The following NID2 variants were observed in gnomAD, a reference collection of about 807,000 sequenced individuals.
NID2 encodes nidogen 2.
A neutral mutation model predicts 145.4 loss-of-function variants in NID2; 83 were observed. The ratio of observed to expected loss-of-function variants is 0.57; its 90% CI spans 0.48 to 0.69. The LOEUF (loss-of-function observed/expected upper bound fraction) is 0.69. NID2 is among the 30% of genes least tolerant of loss of function. The pLI is 0.00. For synonymous variants in NID2, 739 were observed against 701.3 expected, an observed-to-expected ratio of 1.05 and a Z score of -0.85; for missense variants, 1,807 against 1,765.7, an observed-to-expected ratio of 1.02 and a Z score of -0.42.
In NID2 at chr14:52,030,517, AAAG is replaced by A. The variant is rs1891778397; in HGVS notation, c.2258-830_2258-828del. 8.3e-4 allele frequency among the ~76,000 whole-genome samples: 11 copies of A among 13,244 alleles called. No homozygotes were observed. In the East Asian group the frequency reaches 0.028, roughly 34 times the overall value. The allele number at this position is 13,244 out of a possible 152,430, so 8.7% of individuals were successfully genotyped here. On this transcript the variant is annotated intron_variant, in intron 9 of 21. Coordinates refer to ENST00000216286, the MANE Select transcript of NID2 (RefSeq NM_007361.4). ...AGAAAGAAAGAGAAAGAAAGAAAGAAAAGAAAGAAAGAAAGAAAGAAAGAAAGA... is the reference window on the plus strand; with the variant it reads ...AGAAAGAAAGAGAAAGAAAGAAAGAAAAAGAAAGAAAGAAAGAAAGAAAGA...
At chr14:52,068,247 C>T in intron 1 of NID2, 84 bp from the exon 2 acceptor site, 1 of 1,358,446 alleles carries the variant, frequency 7.4e-7, no homozygotes, top group Non-Finnish European at 1.0e-6. Context: ...AGGGAACTGA[C>T]TTAGGCAAAA....
In NID2 at chr14:52,005,349, C is replaced by G; in HGVS notation, c.*137G>C. On this transcript the variant is annotated 3_prime_UTR_variant, in exon 22 of 22. Transcript: ENST00000216286. ...AGCTTTTCACAAAAGTCTTTTTGCA[C>G]TACAAAATGTTCATCTTGGATGCTC... 1 of 747,548 alleles carries G rather than the reference C, an allele frequency of 1.3e-6. No homozygotes were observed. The highest frequency in any genetic ancestry group is 2.0e-6 in the Non-Finnish European group (1 of 503,632). 46.3% of individuals were successfully genotyped at this position (747,548 alleles called of 1,614,324 possible). A position where few individuals can be genotyped will look rare whatever the true frequency, so the allele number is the denominator to read the frequency against.
rs1247141288 is a variant in NID2, at chr14:52,014,998, T to A, written c.3250+56A>T. The A allele has an allele frequency of 1.2e-5, 17 of 1,431,320 alleles. No homozygotes were observed. In the East Asian group the frequency reaches 3.9e-4, roughly 33 times the overall value. The allele number at this position is 1,431,320 out of a possible 1,614,324, so 88.7% of individuals were successfully genotyped here. On this transcript the variant is annotated intron_variant, in intron 15 of 21. Coordinates refer to ENST00000216286, the MANE Select transcript of NID2 (RefSeq NM_007361.4). ...CCCCACTTCACCACAGCAGGCACCA[T>A]CCCTAGCAAAGGCCTTAGATACAGC...
In NID2 at chr14:52,068,995, G is replaced by C; in HGVS notation, c.-1C>G. ...GCCCGGCCACCCGGTCCCCCTCCAT[G>C]CTCGCTCGGCCGTGCGCTTACCCGC... On this transcript the variant is annotated 5_prime_UTR_variant, in exon 1 of 22. Coordinates refer to ENST00000216286, the MANE Select transcript of NID2 (RefSeq NM_007361.4). 1 of 1,606,150 alleles carries C rather than the reference G, an allele frequency of 6.2e-7. No individual in the cohort carries two copies. The highest frequency in any genetic ancestry group is 8.5e-7 in the Non-Finnish European group (1 of 1,175,970).
intron 2 of NID2, among the ~76,000 whole-genome samples, chr14:52,066,708 T>C (rs1893227999): frequency 6.6e-6 from 1 of 152,226 alleles, no homozygotes; most frequent in African/African-American, 2.4e-5. Flanking sequence ...GCATGTACCA[T>C]CCTTCTATAG....
intron 3 of NID2, among the ~76,000 whole-genome samples, chr14:52,059,833 G>A (rs1376467238): frequency 6.6e-6 from 1 of 152,170 alleles, no homozygotes; most frequent in Non-Finnish European, 1.5e-5. Flanking sequence ...ATTTTTATGT[G>A]GTTCCAAGAG....
At chr14:52,011,113 C>A in intron 17 of NID2, 66 bp from the exon 18 acceptor site, 1 of 1,543,822 alleles carries the variant, frequency 6.5e-7, no homozygotes, top group Non-Finnish European at 8.9e-7. Flanking sequence ...TGAAGCCCTC[C>A]AACGGTCGGG....
chr14:52,055,185 A>G (rs753335566), intron 3 of NID2, among the ~76,000 whole-genome samples: 2 of 152,220 alleles, frequency 1.3e-5, no homozygotes, highest in Non-Finnish European at 2.9e-5. Flanking sequence ...AGGCTAACTG[A>G]TCTTCTGAAG....
chr14:52,054,448 T>A, intron 3 of NID2, 127 bp from the exon 4 acceptor site: 1 of 972,526 alleles, frequency 1.0e-6, no homozygotes, highest in South Asian at 1.7e-5. Flanking sequence ...ACACTTATAA[T>A]CCCAGCACTT....
intron 3 of NID2, among the ~76,000 whole-genome samples, chr14:52,056,897 T>C (rs1454329010): frequency 6.6e-6 from 1 of 152,214 alleles, no homozygotes; most frequent in Non-Finnish European, 1.5e-5. Context: ...TTTCAAAATA[T>C]ACACGTGTGA....
Position 52,029,373 on chromosome 14 carries a change from A to C in NID2, c.2401+174T>G, listed in dbSNP as rs1497087. Among the ~76,000 whole-genome samples the C allele has an allele frequency of 0.99, 150,785 of 152,326 alleles. 74,654 individuals are homozygous for C. The highest frequency in any genetic ancestry group is 1 in the Middle Eastern group (294 of 294). ...TCCACTCCAAACCATCTTTTCAAAC[A>C]TAAACAGCTATGCTTTAATTTTTAA... is the stretch of plus-strand genomic sequence containing the variant. On this transcript the variant is annotated intron_variant, in intron 10 of 21. Transcript: ENST00000216286.
At chr14:52,040,211 G>C (rs1892227310) in intron 8 of NID2, among the ~76,000 whole-genome samples, 1 of 151,632 alleles carries the variant, frequency 6.6e-6, no homozygotes, top group Admixed American at 6.6e-5. Flanking sequence ...AAAGTGGTGG[G>C]ATTACAGGCA....
At chr14:52,046,496 T>C (rs1892500840) in intron 5 of NID2, among the ~76,000 whole-genome samples, 1 of 152,130 alleles carries the variant, frequency 6.6e-6, no homozygotes, top group Non-Finnish European at 1.5e-5. Context: ...GGCTGAATTA[T>C]GAAACAAGGA....
intron 12 of NID2, among the ~76,000 whole-genome samples, chr14:52,024,905 A>C (rs1010193547): frequency 2.0e-5 from 3 of 152,162 alleles, no homozygotes; most frequent in Admixed American, 6.5e-5. Flanking sequence ...GGAGGGAGAG[A>C]ATCATTGTAG....
At chr14:52,016,099 A>G (rs372835974) in intron 14 of NID2, among the ~76,000 whole-genome samples, 34 of 151,804 alleles carry the variant, frequency 2.2e-4, no homozygotes, top group African/African-American at 8.0e-4. Context: ...AGCTCACTCC[A>G]TGGTTGAAGT....
chr14:52,061,029 C>T (rs533575169), intron 2 of NID2, among the ~76,000 whole-genome samples: 1 of 152,290 alleles, frequency 6.6e-6, no homozygotes, highest in Admixed American at 6.5e-5. Flanking sequence ...CTAGAGCCCA[C>T]ACCCTAGGAC....
chr14:52,032,798 T>G (rs1891913356), intron 9 of NID2, among the ~76,000 whole-genome samples: 1 of 15,146 alleles, frequency 6.6e-5, no homozygotes, highest in East Asian at 2.6e-3. Context: ...CTGCTAGGCA[T>G]TAAAAGAAAA....
intron 2 of NID2, among the ~76,000 whole-genome samples, chr14:52,066,012 A>G (rs1031776196): frequency 2.2e-4 from 33 of 151,576 alleles, no homozygotes; most frequent in Admixed American, 6.6e-4. Context: ...TCCTTTGGGT[A>G]TATACCCAGT....
chr14:52,015,133 C>T lies in NID2; in HGVS notation c.3171G>A (p.Lys1057=). The T allele has an allele frequency of 3.7e-6, 6 of 1,614,154 alleles. No individual in the cohort carries two copies. Among genetic ancestry groups the T allele is most frequent in the Non-Finnish European group, 5.1e-6 (6 of 1,180,028 alleles). The part of the protein sequence containing the change: ...GHFIPLQCHG[K]SDFCWCVDKD... ...TGTCCACACACCAGCAGAAGTCGCT[C>T]TTTCCGTGGCACTGCAGGGGGATGA... is the stretch of plus-strand genomic sequence containing the variant. Residue 1057 remains lysine, a synonymous_variant, in exon 15 of 22, where the codon AAG becomes AAA. Transcript: ENST00000216286.
Sources: gnomAD v4.1 joint callset for allele counts (sites outside exome capture counted in the v4.1 genomes callset) on GRCh38, gnomAD v4.1.1 for gene constraint, MANE v1.5 for transcripts, NCBI Gene and HGNC (gene_info 2026-07-23, HGNC 2026-07-21) for gene names.